The following MTMR7 variants were observed in gnomAD, a reference collection of about 807,000 sequenced individuals.
MTMR7 encodes the protein myotubularin related protein 7.
Under a neutral mutation model 81.2 loss-of-function variants are expected in MTMR7, and 76 were observed. The ratio of observed to expected loss-of-function variants is 0.94; its 90% CI spans 0.78 to 1.13. The LOEUF (loss-of-function observed/expected upper bound fraction) is 1.13, where lower values mean the gene tolerates loss of function less well. Among genes scored for constraint, MTMR7 ranks in the 50% most tolerant of loss-of-function variants. The pLI is 0.00. For synonymous variants in MTMR7, 372 were observed against 289.8 expected (o/e 1.28, Z -2.88); for missense variants, 1,044 against 820.0 (o/e 1.27, Z -3.34).
chr8:17,364,881 G>C (rs951342198), intron 3 of MTMR7, among the ~76,000 whole-genome samples: 17 of 152,222 alleles, frequency 1.1e-4, no homozygotes, highest in African/African-American at 4.1e-4. Flanking sequence ...GAAAATGTGA[G>C]AGCAGACGTT....
chr8:17,311,884 A>C, intron 8 of MTMR7: 1 of 486,858 alleles, frequency 2.1e-6, no homozygotes, highest in Admixed American at 3.5e-5. Flanking sequence ...AAGCGCATGT[A>C]CTTACTAAAC....
chr8:17,396,511 T>C (rs576279576), intron 1 of MTMR7, among the ~76,000 whole-genome samples: 5 of 151,960 alleles, frequency 3.3e-5, no homozygotes, highest in East Asian at 2.0e-4. Flanking sequence ...CAAAGATGTG[T>C]TGGGCTCAGG....
chr8:17,365,360 C>T (rs1820192940), intron 3 of MTMR7, among the ~76,000 whole-genome samples: 1 of 152,008 alleles, frequency 6.6e-6, no homozygotes, highest in African/African-American at 2.4e-5. Flanking sequence ...CTTCAATTTC[C>T]TTTGTTATGC....
intron 4 of MTMR7, among the ~76,000 whole-genome samples, chr8:17,356,107 C>CA (rs1481167239): frequency 1.3e-5 from 2 of 152,168 alleles, no homozygotes; most frequent in Non-Finnish European, 2.9e-5. Flanking sequence ...CACTTTTGGG[C>CA]AAACGTGTTA....
chr8:17,328,003 A>C lies in MTMR7; in HGVS notation c.865+3147T>G, dbSNP rs138119551. On this transcript the variant is annotated intron_variant, in intron 7 of 13. Coordinates refer to ENST00000180173, the MANE Select transcript of MTMR7 (RefSeq NM_004686.5). ...GAAGTGTGGCAAAGAGCAGTTGCTC[A>C]ATTTTTAGTTTAATGAATACATTGA... Among the ~76,000 whole-genome samples, 523 of 152,328 alleles carry C rather than the reference A, an allele frequency of 3.4e-3. 4 individuals are homozygous for C. The highest frequency in any genetic ancestry group is 0.012 in the African/African-American group (494 of 41,582).
At chr8:17,395,433 C>T (rs2157645) in intron 1 of MTMR7, among the ~76,000 whole-genome samples, 58,009 of 151,878 alleles carry the variant, frequency 0.38, 12,000 homozygotes, top group Admixed American at 0.54. Context: ...GGGTATATAC[C>T]CAGGAGTGGA....
At chr8:17,341,219 G>C in intron 6 of MTMR7, 144 bp downstream of exon 6, 1 of 1,010,992 alleles carries the variant, frequency 9.9e-7, no homozygotes, top group Non-Finnish European at 1.4e-6. Flanking sequence ...AGCCAGCAGG[G>C]TGCCCAGACA....
intron 10 of MTMR7, 131 bp downstream of exon 10, chr8:17,309,146 A>C: frequency 1.5e-6 from 1 of 654,480 alleles, no homozygotes; most frequent in Non-Finnish European, 2.7e-6. Flanking sequence ...CATATACAAC[A>C]AAATTTAAGC....
chr8:17,372,918 T>C (rs1820464105), intron 2 of MTMR7, 200 bp downstream of exon 2: 1 of 557,700 alleles, frequency 1.8e-6, no homozygotes, highest in Non-Finnish European at 3.1e-6. Flanking sequence ...GATGTTCAAA[T>C]AATTCATGTT....
chr8:17,381,678 T>G (rs1442628874), intron 1 of MTMR7, among the ~76,000 whole-genome samples: 3 of 152,170 alleles, frequency 2.0e-5, no homozygotes, highest in Non-Finnish European at 2.9e-5. Context: ...CAGATCACTG[T>G]CAGTCATCTG....
chr8:17,397,620 T>C (rs1217789187), intron 1 of MTMR7, among the ~76,000 whole-genome samples: 1 of 152,192 alleles, frequency 6.6e-6, no homozygotes, highest in Admixed American at 6.5e-5. Context: ...ACAACATCTC[T>C]GGACCTGCCC....
rs372246791 is a variant in MTMR7 at position 17,375,480 on chromosome 8, G to GTT, written c.25-2242_25-2241dup. ...CAGTGCCCTTCACCTACTAGCTTATGTTTTTTTTTTTTTTTTACAAGAATT... is the reference window on the plus strand; with the variant it reads ...CAGTGCCCTTCACCTACTAGCTTATGTTTTTTTTTTTTTTTTTTACAAGAATT... On this transcript the variant is annotated intron_variant, in intron 1 of 13. Coordinates refer to ENST00000180173, the MANE Select transcript of MTMR7 (RefSeq NM_004686.5). Among the ~76,000 whole-genome samples the GTT allele has an allele frequency of 3.7e-3, 507 of 136,600 alleles. 3 individuals carry two copies. Among genetic ancestry groups the GTT allele is most frequent in the East Asian group, 3.7e-3 (15 of 4,012 alleles). The allele number at this position is 136,600 out of a possible 152,430, so 89.6% of individuals were successfully genotyped here.
chr8:17,315,543 A>G (rs961516572), intron 7 of MTMR7, among the ~76,000 whole-genome samples: 1 of 152,202 alleles, frequency 6.6e-6, no homozygotes, highest in Non-Finnish European at 1.5e-5. Flanking sequence ...TGAATAATGC[A>G]GGTGGCTGTG....
At chr8:17,330,875 G>A (rs1187715272) in intron 7 of MTMR7, among the ~76,000 whole-genome samples, 4 of 152,124 alleles carry the variant, frequency 2.6e-5, no homozygotes, top group Non-Finnish European at 4.4e-5. Flanking sequence ...ACATTATGAG[G>A]AAGAAACAAA....
chr8:17,400,502 C>T (rs1234835387), intron 1 of MTMR7, among the ~76,000 whole-genome samples: 39 of 152,304 alleles, frequency 2.6e-4, no homozygotes, highest in Non-Finnish European at 1.5e-4. Flanking sequence ...ACAATGCTAT[C>T]TCCAGGCCCT....
chr8:17,336,446 C>A (rs529058325), intron 6 of MTMR7, among the ~76,000 whole-genome samples: 1 of 152,250 alleles, frequency 6.6e-6, no homozygotes, highest in African/African-American at 2.4e-5. Flanking sequence ...GCTGCCATGA[C>A]GGCCACCAGC....
chr8:17,302,703 AC>A (rs35520166), intron 12 of MTMR7, among the ~76,000 whole-genome samples: 1,038 of 10,356 alleles, frequency 0.1, 94 homozygotes, highest in Non-Finnish European at 0.12. Context: ...ATTGGCAATA[AC>A]CCCCCCCCCC....
chr8:17,302,609 A>G (rs1817189401), intron 12 of MTMR7, among the ~76,000 whole-genome samples: 1 of 145,210 alleles, frequency 6.9e-6, no homozygotes, highest in Non-Finnish European at 1.5e-5. Context: ...GAAATTGTAT[A>G]TTTAGAATCT....
chr8:17,346,068 T>C (rs1819542817), intron 5 of MTMR7: 1 of 152,222 alleles, frequency 6.6e-6, no homozygotes, highest in Non-Finnish European at 1.5e-5. Context: ...CGATGAGCAA[T>C]GACAGCACAG....
Sources: gnomAD v4.1 joint callset for allele counts (sites outside exome capture counted in the v4.1 genomes callset) on GRCh38, gnomAD v4.1.1 for gene constraint, MANE v1.5 for transcripts, NCBI Gene and HGNC (gene_info 2026-07-23, HGNC 2026-07-21) for gene names.